PRCP: variants seen among roughly 807,000 people sequenced by gnomAD.
PRCP encodes lysosomal Pro-X carboxypeptidase.
Under a neutral mutation model 54.2 loss-of-function variants are expected in PRCP, and 46 were observed. The observed-to-expected ratio is 0.85, with a 90% confidence interval of 0.67 to 1.09. The LOEUF (loss-of-function observed/expected upper bound fraction) is 1.09, where lower values mean the gene tolerates loss of function less well. Ranked by LOEUF, PRCP falls within the 50% of genes least tolerant of loss-of-function variation. PRCP has a pLI of 0.00. For synonymous variants in PRCP, 240 were observed against 212.2 expected (o/e 1.13, Z -1.14); for missense variants, 613 against 596.8 (o/e 1.03, Z -0.28).
intron 1 of PRCP, among the ~76,000 whole-genome samples, chr11:82,879,426 C>T (rs1399080022): frequency 5.3e-5 from 8 of 152,156 alleles, no homozygotes; most frequent in Non-Finnish European, 1.0e-4. Context: ...GTTAGCCATT[C>T]GTCTAATCTT....
intron 1 of PRCP, 47 bp downstream of exon 1, chr11:82,900,188 T>A (rs1860231686): frequency 6.2e-7 from 1 of 1,602,842 alleles, no homozygotes; most frequent in African/African-American, 1.3e-5. Context: ...AGGGTCAGGG[T>A]TCCCGGCGGT....
At chr11:82,885,076 C>CT (rs1859833815) in intron 1 of PRCP, among the ~76,000 whole-genome samples, 1 of 152,136 alleles carries the variant, frequency 6.6e-6, no homozygotes, top group African/African-American at 2.4e-5. Context: ...AGTAAAATTA[C>CT]TTTTTTAATG....
At chr11:82,851,166 T>C (rs751063278) in intron 3 of PRCP, among the ~76,000 whole-genome samples, 3 of 152,210 alleles carry the variant, frequency 2.0e-5, no homozygotes, top group Non-Finnish European at 2.9e-5. Context: ...AAGCCCAGTG[T>C]CCTGCTGAGC....
chr11:82,880,636 C>T (rs145463292), intron 1 of PRCP, among the ~76,000 whole-genome samples: 56 of 152,292 alleles, frequency 3.7e-4, no homozygotes, highest in Non-Finnish European at 6.6e-4. Context: ...TGGAGCTGTT[C>T]CTATTCGGCC....
chr11:82,835,678 GAA>G lies in PRCP; in HGVS notation c.1274+2707_1274+2708del, dbSNP rs1026241053. On this transcript the variant is annotated intron_variant, in intron 8 of 8. Coordinates refer to ENST00000313010, the MANE Select transcript of PRCP (RefSeq NM_005040.4). Reference sequence around the variant, plus strand: ...TAGAAGCTGATGAAGACGACGGTAGGAAAAAAGACATTTCTGATGTTCTAGAT... The same window carrying G: ...TAGAAGCTGATGAAGACGACGGTAGGAAAAGACATTTCTGATGTTCTAGAT... 13 of 308,856 alleles carry G rather than the reference GAA, an allele frequency of 4.2e-5. 1 individual carries two copies. Among genetic ancestry groups the G allele is most frequent in the African/African-American group, 2.9e-4 (13 of 44,916 alleles). 19.1% of individuals were successfully genotyped at this position (308,856 alleles called of 1,614,324 possible).
intron 2 of PRCP, among the ~76,000 whole-genome samples, chr11:82,854,765 T>C (rs1193775245): frequency 6.6e-6 from 1 of 152,104 alleles, no homozygotes; most frequent in African/African-American, 2.4e-5. Flanking sequence ...CTACCTGACT[T>C]CAAACTATAC....
At chr11:82,886,520 G>C (rs1666526737) in intron 1 of PRCP, among the ~76,000 whole-genome samples, 2 of 152,154 alleles carry the variant, frequency 1.3e-5, no homozygotes, top group South Asian at 4.1e-4. Context: ...CTGGTCTCAA[G>C]TGATCCTCCT....
In PRCP at chr11:82,835,724, CA is replaced by C. The variant is rs1173288639; in HGVS notation, c.1274+2662del. The C allele has an allele frequency of 2.1e-5, 7 of 328,884 alleles. No homozygotes were observed. The East Asian group carries it at 6.3e-4, about 30-fold the overall frequency. 20.4% of individuals were successfully genotyped at this position (328,884 alleles called of 1,614,324 possible). A position where few individuals can be genotyped will look rare whatever the true frequency, so the allele number is the denominator to read the frequency against. ...TCTAGATGACTTGAACTTCTTTAAT[CA>C]GAAGAAAAAGGAGAAAAAAAAGACA... On this transcript the variant is annotated intron_variant, in intron 8 of 8. Coordinates refer to ENST00000313010, the MANE Select transcript of PRCP (RefSeq NM_005040.4).
chr11:82,849,338 G>T, intron 5 of PRCP, 120 bp from the exon 6 acceptor site: 1 of 1,101,078 alleles, frequency 9.1e-7, no homozygotes, highest in Non-Finnish European at 1.3e-6. Flanking sequence ...CTTCTCCCAG[G>T]ATATTTTCAG....
chr11:82,832,309 C>G (rs765043395), intron 8 of PRCP, among the ~76,000 whole-genome samples: 1 of 152,120 alleles, frequency 6.6e-6, no homozygotes, highest in Non-Finnish European at 1.5e-5. Context: ...AACTAATTTA[C>G]ACTCCCACCA....
intron 1 of PRCP, among the ~76,000 whole-genome samples, chr11:82,864,134 G>A (rs572140191): frequency 2.6e-5 from 4 of 152,292 alleles, no homozygotes; most frequent in Middle Eastern, 3.4e-3. Flanking sequence ...TCCTAAGCAC[G>A]GAGTACTTAG....
At chr11:82,882,071 G>A (rs1859759309) in intron 1 of PRCP, among the ~76,000 whole-genome samples, 1 of 152,238 alleles carries the variant, frequency 6.6e-6, no homozygotes, top group Admixed American at 6.5e-5. Context: ...TTAAGTGAAA[G>A]TGGATCATCA....
intron 1 of PRCP, among the ~76,000 whole-genome samples, chr11:82,870,021 G>A (rs567175262): frequency 9.1e-4 from 138 of 152,210 alleles, no homozygotes; most frequent in Non-Finnish European, 1.8e-3. Context: ...GGGAGTGCAG[G>A]AGAAGGACTA....
chr11:82,867,091 G>T (rs987790665), intron 1 of PRCP, among the ~76,000 whole-genome samples: 1 of 152,102 alleles, frequency 6.6e-6, no homozygotes, highest in Non-Finnish European at 1.5e-5. Context: ...TGATTATGAG[G>T]TTCCCTTCTT....
At chr11:82,855,437 T>G (rs1172678667) in intron 2 of PRCP, among the ~76,000 whole-genome samples, 1 of 151,854 alleles carries the variant, frequency 6.6e-6, no homozygotes, top group African/African-American at 2.4e-5. Flanking sequence ...GCTAACACGG[T>G]GAAACCCCGT....
At chr11:82,882,581 C>T (rs1299716835) in intron 1 of PRCP, among the ~76,000 whole-genome samples, 2 of 147,610 alleles carry the variant, frequency 1.4e-5, no homozygotes, top group African/African-American at 5.2e-5. Flanking sequence ...CTGCAAGCTC[C>T]GCCTCCCGGG....
intron 8 of PRCP, chr11:82,831,266 A>G (rs184257896): frequency 5.3e-4 from 81 of 152,256 alleles, no homozygotes; most frequent in African/African-American, 1.9e-3. Context: ...GTTGGGAAAG[A>G]CAATAAAACT....
chr11:82,868,900 G>A (rs1301087105), intron 1 of PRCP, among the ~76,000 whole-genome samples: 2 of 152,032 alleles, frequency 1.3e-5, no homozygotes, highest in Non-Finnish European at 2.9e-5. Context: ...GCCAGGCATG[G>A]TGATACACGC....
intron 2 of PRCP, among the ~76,000 whole-genome samples, chr11:82,854,497 A>T (rs1859033729): frequency 6.6e-6 from 1 of 152,202 alleles, no homozygotes; most frequent in African/African-American, 2.4e-5. Flanking sequence ...GCTGAAAGGC[A>T]TCAGAAACAA....
Sources: allele counts gnomAD v4.1 joint callset (sites outside exome capture counted in the v4.1 genomes callset), GRCh38; gene constraint gnomAD v4.1.1; transcripts MANE v1.5; gene names NCBI Gene and HGNC (gene_info 2026-07-23, HGNC 2026-07-21).